FAM240A: variants seen among roughly 807,000 people sequenced by gnomAD.
The protein encoded by FAM240A is protein FAM240A.
In FAM240A, 8 loss-of-function variants were observed where a neutral mutation model predicts 7.3. The observed-to-expected ratio is 1.09, with a 90% confidence interval of 0.64 to 1.97. The LOEUF is 1.97. Ranked by LOEUF, FAM240A falls within the 30% of genes most tolerant of loss-of-function variation. The pLI is 0.00. For missense variants in FAM240A, 90 were observed against 102.2 expected, an observed-to-expected ratio of 0.88 and a Z score of 0.52; for synonymous variants, 32 against 35.9, an observed-to-expected ratio of 0.89 and a Z score of 0.38.
Position 46,617,205 on chromosome 3 carries a change from G to T in FAM240A, c.38G>T (p.Arg13Leu), listed in dbSNP as rs189023082. 891 of 1,533,208 alleles carry T rather than the reference G, an allele frequency of 5.8e-4. 9 individuals are homozygous for T. Among genetic ancestry groups the T allele is most frequent in the Middle Eastern group, 3.3e-4 (2 of 5,980 alleles). 95.0% of individuals were successfully genotyped at this position (1,533,208 alleles called of 1,614,324 possible). The change falls in exon 2 of 3, where the codon CGT becomes CTT. Residue 13 changes from arginine to leucine, a missense_variant. Transcript: ENST00000640551. ...LFSGMNNQYT[R>L]REVFCRNTCH... ...TAGGGGATGAACAATCAATACACCC[G>T]TCGGGAGGTCTTCTGCCGGAACACC...
chr3:46,615,850 G>GCACACA (rs111864834), intron 1 of FAM240A, among the ~76,000 whole-genome samples: 3 of 150,330 alleles, frequency 2.0e-5, no homozygotes, highest in South Asian at 2.1e-4. Flanking sequence ...ATGTGTGCAC[G>GCACACA]CACACACACA....
intron 1 of FAM240A, among the ~76,000 whole-genome samples, chr3:46,616,439 C>A (rs184661897): frequency 6.6e-6 from 1 of 152,054 alleles, no homozygotes; most frequent in Admixed American, 6.6e-5. Context: ...CACTTGTCAC[C>A]CAAATAGTGT....
intron 1 of FAM240A, among the ~76,000 whole-genome samples, chr3:46,616,970 C>T (rs373716824): frequency 3.7e-4 from 57 of 152,166 alleles, no homozygotes; most frequent in African/African-American, 1.3e-3. Context: ...ATTTACATTC[C>T]TACCAACAGC....
chr3:46,621,363 A>ATAT (rs1697693242), intron 2 of FAM240A, among the ~76,000 whole-genome samples: 1 of 152,088 alleles, frequency 6.6e-6, no homozygotes, highest in African/African-American at 2.4e-5. Flanking sequence ...TTGTCTGTTA[A>ATAT]TATAGCCAAA....
intron 2 of FAM240A, among the ~76,000 whole-genome samples, chr3:46,618,049 T>A (rs1017315065): frequency 6.6e-6 from 1 of 152,080 alleles, no homozygotes; most frequent in African/African-American, 2.4e-5. Context: ...AAGGAACAGC[T>A]CAGCCAGCTG....
At chr3:46,618,010 G>C (rs536667738) in intron 2 of FAM240A, among the ~76,000 whole-genome samples, 1 of 152,322 alleles carries the variant, frequency 6.6e-6, no homozygotes, top group African/African-American at 2.4e-5. Context: ...TGCAGGGAGG[G>C]ACCGCCCTTT....
chr3:46,625,238 C>A lies in FAM240A; in HGVS notation c.*20C>A. On this transcript the variant is annotated 3_prime_UTR_variant, in exon 3 of 3. Coordinates refer to ENST00000640551, the MANE Select transcript of FAM240A (RefSeq NM_001195442.2). ...GGCTGAGAGCTTCCTGCTTCATTGACACAAGAAGATGCAAAACACTGAGGT... is the reference window on the plus strand; with the variant it reads ...GGCTGAGAGCTTCCTGCTTCATTGAAACAAGAAGATGCAAAACACTGAGGT... The A allele has an allele frequency of 6.6e-7, 1 of 1,511,596 alleles. No homozygotes were observed. The highest frequency in any genetic ancestry group is 8.9e-7 in the Non-Finnish European group (1 of 1,127,882). 93.6% of individuals were successfully genotyped at this position (1,511,596 alleles called of 1,614,324 possible).
At chr3:46,620,537 T>TG (rs1333170626) in intron 2 of FAM240A, among the ~76,000 whole-genome samples, 3 of 148,456 alleles carry the variant, frequency 2.0e-5, no homozygotes, top group Non-Finnish European at 4.4e-5. Context: ...AAACTTCTAG[T>TG]GCTAGCCACT....
intron 1 of FAM240A, among the ~76,000 whole-genome samples, chr3:46,613,047 G>C (rs1363749160): frequency 1.3e-5 from 2 of 152,222 alleles, no homozygotes; most frequent in African/African-American, 2.4e-5. Context: ...CAGTAGGTTA[G>C]AGCCAGGGAA....
chr3:46,620,556 G>A (rs1426971228), intron 2 of FAM240A, among the ~76,000 whole-genome samples: 7 of 148,534 alleles, frequency 4.7e-5, no homozygotes, highest in African/African-American at 1.5e-4. Context: ...CTAATTAACA[G>A]CATATACAGG....
In FAM240A at chr3:46,620,487, T is replaced by C. The variant is rs1408709863; in HGVS notation, c.161+3159T>C. Among the ~76,000 whole-genome samples, 4 of 132,370 alleles carry C rather than the reference T, an allele frequency of 3.0e-5. No homozygotes were observed. In the East Asian group the frequency reaches 8.2e-4, roughly 27 times the overall value. 86.8% of individuals were successfully genotyped at this position (132,370 alleles called of 152,430 possible). A position where few individuals can be genotyped will look rare whatever the true frequency, so the allele number is the denominator to read the frequency against. The stretch of plus-strand genomic sequence containing the variant: ...TGGCCGTCCATTATATCACCCGTAC[T>C]GTAGTTTTGTCAAAAAAAAAAAAAA... On this transcript the variant is annotated intron_variant, in intron 2 of 2. Transcript: ENST00000640551.
intron 2 of FAM240A, among the ~76,000 whole-genome samples, chr3:46,619,589 C>A (rs547268365): frequency 6.6e-6 from 1 of 152,300 alleles, no homozygotes; most frequent in South Asian, 2.1e-4. Context: ...AGGATCTGAG[C>A]GTTTCTTTCT....
chr3:46,622,914 G>T (rs1697713428), intron 2 of FAM240A, among the ~76,000 whole-genome samples: 2 of 152,162 alleles, frequency 1.3e-5, no homozygotes, highest in African/African-American at 4.8e-5. Context: ...CAGCCTGCTG[G>T]TTTGATTGGG....
intron 1 of FAM240A, among the ~76,000 whole-genome samples, chr3:46,615,810 A>G (rs1480170011): frequency 6.6e-6 from 1 of 152,130 alleles, no homozygotes; most frequent in Non-Finnish European, 1.5e-5. Flanking sequence ...TGAGTGTCTG[A>G]TATGTATAAT....
At chr3:46,622,939 A>G (rs1697713744) in intron 2 of FAM240A, among the ~76,000 whole-genome samples, 1 of 152,200 alleles carries the variant, frequency 6.6e-6, no homozygotes. Flanking sequence ...AATTGAATCT[A>G]TAGGTCAATT....
rs117107323 is a variant in FAM240A at position 46,625,226 on chromosome 3, C to G, written c.*8C>G. 2.8e-3 allele frequency: 4,337 copies of G among 1,526,118 alleles called. 133 individuals carry two copies. The East Asian group carries it at 0.056, about 20-fold the overall frequency. The allele number at this position is 1,526,118 out of a possible 1,614,324, so 94.5% of individuals were successfully genotyped here. The stretch of plus-strand genomic sequence containing the variant: ...AGGACAAATGTTGGCTGAGAGCTTC[C>G]TGCTTCATTGACACAAGAAGATGCA... On this transcript the variant is annotated 3_prime_UTR_variant, in exon 3 of 3. Transcript: ENST00000640551.
At chr3:46,619,138 A>G (rs1697668782) in intron 2 of FAM240A, among the ~76,000 whole-genome samples, 1 of 152,142 alleles carries the variant, frequency 6.6e-6, no homozygotes, top group Non-Finnish European at 1.5e-5. Context: ...CTCCCATTTA[A>G]CAATCCAGGA....
intron 1 of FAM240A, among the ~76,000 whole-genome samples, chr3:46,616,661 G>A (rs1275439794): frequency 6.8e-6 from 1 of 146,712 alleles, no homozygotes; most frequent in East Asian, 2.1e-4. Context: ...ACATTATTTT[G>A]TTCTTTTTTA....
rs535151114 is a variant in FAM240A, at chr3:46,617,490, C to A, written c.161+162C>A. 3.3e-5 allele frequency among the ~76,000 whole-genome samples: 5 copies of A among 152,266 alleles called. No homozygotes were observed. In the South Asian group the frequency reaches 6.2e-4, roughly 19 times the overall value. On this transcript the variant is annotated intron_variant, in intron 2 of 2. Coordinates refer to ENST00000640551, the MANE Select transcript of FAM240A (RefSeq NM_001195442.2). Reference sequence around the variant, plus strand: ...ACTGTCAACATCTGCACCAGTGGTACCTTTGTGACTGTCGATGAGCTTTCA... The same window carrying A: ...ACTGTCAACATCTGCACCAGTGGTAACTTTGTGACTGTCGATGAGCTTTCA...
Sources: gnomAD v4.1 joint callset for allele counts (sites outside exome capture counted in the v4.1 genomes callset) on GRCh38, gnomAD v4.1.1 for gene constraint, MANE v1.5 for transcripts, NCBI Gene and HGNC (gene_info 2026-07-23, HGNC 2026-07-21) for gene names.